The following SSBP2 variants were observed in gnomAD, a reference collection of about 807,000 sequenced individuals.
SSBP2 encodes single stranded DNA binding protein 2.
Under a neutral mutation model 61.8 loss-of-function variants are expected in SSBP2, and 17 were observed. The observed-to-expected ratio is 0.28, with a 90% CI of 0.19 to 0.41. The LOEUF (loss-of-function observed/expected upper bound fraction) is 0.41, where lower values mean the gene tolerates loss of function less well. SSBP2 is among the 10% of genes least tolerant of loss of function. The pLI is 1.00. For synonymous variants in SSBP2, 139 were observed against 141.3 expected, an observed-to-expected ratio of 0.98 and a Z score of 0.12; for missense variants, 310 against 458.7, an observed-to-expected ratio of 0.68 and a Z score of 2.96.
At chr5:81,667,077 T>C (rs561664538) in intron 1 of SSBP2, among the ~76,000 whole-genome samples, 2 of 149,940 alleles carry the variant, frequency 1.3e-5, no homozygotes, top group South Asian at 2.1e-4. Context: ...AAGGCAATGC[T>C]TCCCAGCAAT....
intron 2 of SSBP2, among the ~76,000 whole-genome samples, chr5:81,642,103 T>C (rs1243262823): frequency 6.6e-6 from 1 of 152,200 alleles, no homozygotes; most frequent in Non-Finnish European, 1.5e-5. Context: ...TGATGGGTGG[T>C]ATTGAGGAAT....
In SSBP2 at chr5:81,710,762, A is replaced by G. The variant is rs759257264; in HGVS notation, c.62+40219T>C. The G allele has an allele frequency of 1.2e-4, 51 of 438,220 alleles. 1 individual carries two copies. Among genetic ancestry groups the G allele is most frequent in the Non-Finnish European group, 2.0e-4 (44 of 218,948 alleles). 27.1% of individuals were successfully genotyped at this position (438,220 alleles called of 1,614,324 possible). On this transcript the variant is annotated intron_variant, in intron 1 of 16. Transcript: ENST00000320672. ...AAGAGTGAACTGGAATAAGGCACAG[A>G]TGAATTCTAAAAAGAAGTGAGATAA...
At chr5:81,464,997 A>G (rs1196141419) in intron 9 of SSBP2, among the ~76,000 whole-genome samples, 1 of 152,024 alleles carries the variant, frequency 6.6e-6, no homozygotes, top group African/African-American at 2.4e-5. Context: ...TTTGGGGCCA[A>G]TATCAATATA....
rs527981034 is a variant in SSBP2 at position 81,693,972 on chromosome 5, T to C, written c.63-43633A>G. On this transcript the variant is annotated intron_variant, in intron 1 of 16. Coordinates refer to ENST00000320672, the MANE Select transcript of SSBP2 (RefSeq NM_012446.5). Reference sequence around the variant, plus strand: ...AAATGGATAAAGAAAATATGGTGCATATACAGAATGAAGTAGGCCATAAAA... The same window carrying C: ...AAATGGATAAAGAAAATATGGTGCACATACAGAATGAAGTAGGCCATAAAA... 5.3e-5 allele frequency among the ~76,000 whole-genome samples: 8 copies of C among 152,180 alleles called. No individual in the cohort carries two copies. In the South Asian group the frequency reaches 1.7e-3, roughly 32 times the overall value.
chr5:81,710,870 T>C (rs1754729073), intron 1 of SSBP2: 1 of 241,198 alleles, frequency 4.1e-6, no homozygotes, highest in Admixed American at 5.2e-5. Context: ...AAAAGAAATC[T>C]GCAAATCAAG....
chr5:81,555,486 C>T (rs550181943), intron 4 of SSBP2, among the ~76,000 whole-genome samples: 2 of 152,176 alleles, frequency 1.3e-5, no homozygotes, highest in East Asian at 1.9e-4. Flanking sequence ...ATTTCTCCAA[C>T]TTCTTTGGCA....
At chr5:81,622,795 T>G (rs1746734624) in intron 3 of SSBP2, among the ~76,000 whole-genome samples, 1 of 152,330 alleles carries the variant, frequency 6.6e-6, no homozygotes, top group South Asian at 2.1e-4. Flanking sequence ...TCTTCTCAGC[T>G]AGGAGAAAAC....
intron 14 of SSBP2, among the ~76,000 whole-genome samples, chr5:81,438,026 TAAAC>T (rs1213968104): frequency 3.3e-5 from 5 of 152,152 alleles, no homozygotes; most frequent in Non-Finnish European, 7.4e-5. Context: ...TTGGAAGAAA[TAAAC>T]AATCAATATG....
intron 1 of SSBP2, among the ~76,000 whole-genome samples, chr5:81,744,448 A>G (rs1435844219): frequency 1.3e-5 from 2 of 152,150 alleles, no homozygotes; most frequent in African/African-American, 4.8e-5. Context: ...CCCAACTTAC[A>G]TGGACAGAGC....
At chr5:81,631,809 C>G (rs1368313524) in intron 3 of SSBP2, among the ~76,000 whole-genome samples, 1 of 152,170 alleles carries the variant, frequency 6.6e-6, no homozygotes, top group Non-Finnish European at 1.5e-5. Context: ...AGAATAAGAA[C>G]TAATTTTTTG....
At chr5:81,636,137 A>G (rs1438016230) in intron 3 of SSBP2, among the ~76,000 whole-genome samples, 2 of 152,184 alleles carry the variant, frequency 1.3e-5, no homozygotes, top group Admixed American at 1.3e-4. Flanking sequence ...GCTCTCCCCA[A>G]TATGTAAGGA....
chr5:81,595,876 T>A (rs1186703260), intron 4 of SSBP2, among the ~76,000 whole-genome samples: 2 of 150,958 alleles, frequency 1.3e-5, no homozygotes, highest in Non-Finnish European at 3.0e-5. Context: ...CAAACCCACA[T>A]ACTGAATGGG....
intron 4 of SSBP2, among the ~76,000 whole-genome samples, chr5:81,567,121 G>C (rs758167327): frequency 6.6e-6 from 1 of 152,190 alleles, no homozygotes; most frequent in Non-Finnish European, 1.5e-5. Context: ...AAGTAACAAG[G>C]AGCCAAATGT....
At chr5:81,565,525 G>A (rs1205387012) in intron 4 of SSBP2, among the ~76,000 whole-genome samples, 1 of 152,068 alleles carries the variant, frequency 6.6e-6, no homozygotes, top group African/African-American at 2.4e-5. Flanking sequence ...TTTTAGAAGT[G>A]TTTCCCTATA....
intron 13 of SSBP2, 67 bp from the exon 14 acceptor site, chr5:81,440,703 T>A: frequency 3.4e-6 from 4 of 1,161,606 alleles, no homozygotes; most frequent in Non-Finnish European, 5.0e-6. Context: ...AATTTTACAA[T>A]ATATTTAACA....
chr5:81,601,766 C>T (rs1261642755), intron 4 of SSBP2, among the ~76,000 whole-genome samples: 2 of 152,116 alleles, frequency 1.3e-5, no homozygotes, highest in East Asian at 3.8e-4. Flanking sequence ...GTTCAAAGTC[C>T]AGGATCTAAT....
At chr5:81,583,962 AATG>A (rs1774879476) in intron 4 of SSBP2, among the ~76,000 whole-genome samples, 2 of 152,242 alleles carry the variant, frequency 1.3e-5, no homozygotes, top group Non-Finnish European at 2.9e-5. Context: ...TTTAAAATAC[AATG>A]ATTATATTAC....
At chr5:81,520,270 C>A (rs1769366909) in intron 4 of SSBP2, among the ~76,000 whole-genome samples, 1 of 152,168 alleles carries the variant, frequency 6.6e-6, no homozygotes, top group South Asian at 2.1e-4. Flanking sequence ...TAGGCGTGAG[C>A]CACCACGCCT....
chr5:81,521,689 TC>T (rs1275317377), intron 4 of SSBP2, among the ~76,000 whole-genome samples: 17 of 152,170 alleles, frequency 1.1e-4, no homozygotes, highest in Admixed American at 8.5e-4. Context: ...TAGGTATTGG[TC>T]TCTTTAAATT....
Sources: allele counts gnomAD v4.1 joint callset (sites outside exome capture counted in the v4.1 genomes callset), GRCh38; gene constraint gnomAD v4.1.1; transcripts MANE v1.5; gene names NCBI Gene and HGNC (gene_info 2026-07-23, HGNC 2026-07-21).